Variants in ZNF618 observed in about 807,000 individuals in gnomAD.
ZNF618 encodes the protein zinc finger protein 618.
A neutral mutation model predicts 103.0 loss-of-function variants in ZNF618; 34 were observed. That is an observed-to-expected ratio of 0.33 (90% CI 0.25 to 0.44). The LOEUF is 0.44. Among genes scored for constraint, ZNF618 ranks in the 20% least tolerant of loss-of-function variants. The pLI is 1.00. For synonymous variants in ZNF618, 551 were observed against 542.2 expected (o/e 1.02, Z -0.23); for missense variants, 1,059 against 1,295.4 (o/e 0.82, Z 2.80).
intron 1 of ZNF618, among the ~76,000 whole-genome samples, chr9:113,961,063 A>G (rs567473349): frequency 6.6e-6 from 1 of 152,318 alleles, no homozygotes; most frequent in African/African-American, 2.4e-5. Context: ...GCTCCCTGCC[A>G]TCCAGCCTGT....
At chr9:113,906,194 T>C (rs1230711622) in intron 1 of ZNF618, among the ~76,000 whole-genome samples, 8 of 152,158 alleles carry the variant, frequency 5.3e-5, no homozygotes. Context: ...ATTTCAAAGA[T>C]ATTACCAAAT....
At chr9:113,890,194 A>T (rs1564133448) in intron 1 of ZNF618, among the ~76,000 whole-genome samples, 2 of 152,166 alleles carry the variant, frequency 1.3e-5, no homozygotes, top group Non-Finnish European at 2.9e-5. Flanking sequence ...TTCTTCCCTG[A>T]CTATAAAAAT....
chr9:113,892,457 CAG>C (rs1829699549), intron 1 of ZNF618, among the ~76,000 whole-genome samples: 1 of 152,112 alleles, frequency 6.6e-6, no homozygotes, highest in African/African-American at 2.4e-5. Context: ...CCCATGAAGA[CAG>C]AGGGCTGCCT....
At chr9:113,972,431 C>G (rs1838058471) in intron 2 of ZNF618, among the ~76,000 whole-genome samples, 1 of 152,146 alleles carries the variant, frequency 6.6e-6, no homozygotes, top group Admixed American at 6.5e-5. Context: ...GATGAGAAAG[C>G]TGAGGCACAG....
At chr9:114,010,511 C>T (rs1842143608) in intron 9 of ZNF618, among the ~76,000 whole-genome samples, 1 of 151,804 alleles carries the variant, frequency 6.6e-6, no homozygotes, top group Admixed American at 6.6e-5. Context: ...TTGAGACCAT[C>T]CTGGCCAACA....
chr9:113,903,154 A>G (rs1830698858), intron 1 of ZNF618, among the ~76,000 whole-genome samples: 1 of 152,210 alleles, frequency 6.6e-6, no homozygotes, highest in Non-Finnish European at 1.5e-5. Flanking sequence ...AATCCCATCT[A>G]AGGACCTCTT....
chr9:113,973,928 T>C (rs1223424268), intron 2 of ZNF618, among the ~76,000 whole-genome samples: 2 of 152,170 alleles, frequency 1.3e-5, no homozygotes, highest in Non-Finnish European at 2.9e-5. Context: ...GTGAACAGGA[T>C]CTTGTAGACA....
chr9:113,951,402 C>CACACACACATAT, intron 1 of ZNF618, among the ~76,000 whole-genome samples: 1 of 33,592 alleles, frequency 3.0e-5, no homozygotes, highest in Admixed American at 2.9e-4. Flanking sequence ...TATATATATA[C>CACACACACATAT]GTATATATAC....
At chr9:113,972,904 TTA>T (rs1838114535) in intron 2 of ZNF618, among the ~76,000 whole-genome samples, 1 of 151,946 alleles carries the variant, frequency 6.6e-6, no homozygotes, top group Non-Finnish European at 1.5e-5. Flanking sequence ...CTGTCTCAAC[TTA>T]AAAAATACAA....
chr9:114,002,149 C>A, intron 5 of ZNF618, 76 bp downstream of exon 5: 2 of 1,350,092 alleles, frequency 1.5e-6, no homozygotes, highest in Non-Finnish European at 1.1e-6. Context: ...TTGGGCCCCT[C>A]GTGGGTGACC....
chr9:114,008,206 G>A (rs900722136), intron 7 of ZNF618, 138 bp from the exon 8 acceptor site: 122 of 1,204,786 alleles, frequency 1.0e-4, no homozygotes, highest in Middle Eastern at 2.9e-4. Flanking sequence ...CAGTGGCCAC[G>A]GCAGCCCTCC....
intron 1 of ZNF618, among the ~76,000 whole-genome samples, chr9:113,916,116 A>G (rs1832056582): frequency 6.6e-6 from 1 of 151,354 alleles, no homozygotes; most frequent in Non-Finnish European, 1.5e-5. Flanking sequence ...GTGTGTGTGT[A>G]TTGCAGTGTT....
chr9:114,041,765 G>A (rs1011491682), intron 13 of ZNF618, among the ~76,000 whole-genome samples: 2 of 151,254 alleles, frequency 1.3e-5, no homozygotes, highest in African/African-American at 2.5e-5. Context: ...GGTAGTGTGA[G>A]GCCTCCAGCT....
At chr9:113,949,648 C>T (rs1037075627) in intron 1 of ZNF618, among the ~76,000 whole-genome samples, 11 of 152,254 alleles carry the variant, frequency 7.2e-5, no homozygotes, top group African/African-American at 1.4e-4. Context: ...TCTCCCCTCC[C>T]GGACTGAAGG....
intron 2 of ZNF618, 146 bp from the exon 3 acceptor site, chr9:113,988,175 G>A (rs1839671852): frequency 9.5e-7 from 1 of 1,057,614 alleles, no homozygotes; most frequent in African/African-American, 1.6e-5. Context: ...GGGTAGCCGT[G>A]GGGGTTGTGT....
At position 114,050,621 on chromosome 9, in the gene ZNF618, T is replaced by C. The variant is rs1339070219; in HGVS notation, c.*454T>C. 6.5e-6 allele frequency: 1 copy of C among 154,150 alleles called. No homozygotes were observed. Among genetic ancestry groups the C allele is most frequent in the African/African-American group, 2.4e-5 (1 of 41,498 alleles). The allele number at this position is 154,150 out of a possible 1,614,324, so 9.5% of individuals were successfully genotyped here. A position where few individuals can be genotyped will look rare whatever the true frequency, so the allele number is the denominator to read the frequency against. On this transcript the variant is annotated 3_prime_UTR_variant, in exon 15 of 15. Transcript: ENST00000374126. Reference sequence around the variant, plus strand: ...CTTTAGAAGACTCCGCTTTCAGGTGTGCAGATTGGCAGAAAGCTGATGTTG... The same window carrying C: ...CTTTAGAAGACTCCGCTTTCAGGTGCGCAGATTGGCAGAAAGCTGATGTTG...
At chr9:113,913,469 T>C (rs1344640814) in intron 1 of ZNF618, among the ~76,000 whole-genome samples, 1 of 152,212 alleles carries the variant, frequency 6.6e-6, no homozygotes, top group Non-Finnish European at 1.5e-5. Context: ...CAGTATCCAG[T>C]TGTGAGGAAC....
chr9:114,027,097 A>C (rs769356377), intron 10 of ZNF618, among the ~76,000 whole-genome samples: 1 of 152,056 alleles, frequency 6.6e-6, no homozygotes, highest in Admixed American at 6.5e-5. Flanking sequence ...GTGTCGGTTC[A>C]TTCTGTGGGT....
At chr9:113,962,237 C>T (rs537905316) in intron 1 of ZNF618, among the ~76,000 whole-genome samples, 1 of 152,316 alleles carries the variant, frequency 6.6e-6, no homozygotes, top group East Asian at 1.9e-4. Flanking sequence ...TTCCTTGACT[C>T]TTTCTTTATG....
Sources: allele counts gnomAD v4.1 joint callset (sites outside exome capture counted in the v4.1 genomes callset), GRCh38; gene constraint gnomAD v4.1.1; transcripts MANE v1.5; gene names NCBI Gene and HGNC (gene_info 2026-07-23, HGNC 2026-07-21).